Variants in FAT3 observed in about 807,000 individuals in gnomAD.
FAT3 encodes the protein FAT atypical cadherin 3.
FAT3 carries 95 observed loss-of-function variants against 310.2 expected under a neutral mutation model. That is an observed-to-expected ratio of 0.31 (90% CI 0.26 to 0.36). The LOEUF is 0.36. Among genes scored for constraint, FAT3 ranks in the 10% least tolerant of loss-of-function variants. The pLI is 1.00. For missense variants in FAT3, 5,408 were observed against 5,715.6 expected (o/e 0.95, Z 1.74); for synonymous variants, 2,314 against 2,192.9 (o/e 1.06, Z -1.54).
At chr11:92,356,427 G>A (rs771301990) in intron 2 of FAT3, among the ~76,000 whole-genome samples, 17 of 152,276 alleles carry the variant, frequency 1.1e-4, no homozygotes, top group Non-Finnish European at 2.5e-4. Flanking sequence ...AGCTGCTATA[G>A]CAAAATACCA....
chr11:92,288,010 T>C (rs1487899195), intron 1 of FAT3, among the ~76,000 whole-genome samples: 1 of 152,120 alleles, frequency 6.6e-6, no homozygotes, highest in African/African-American at 2.4e-5. Flanking sequence ...AAATGGAAGT[T>C]GTTGCTGGGC....
intron 4 of FAT3, among the ~76,000 whole-genome samples, chr11:92,758,157 CA>C (rs1271555971): frequency 6.6e-6 from 1 of 152,158 alleles, no homozygotes; most frequent in Non-Finnish European, 1.5e-5. Flanking sequence ...GAATATTTGT[CA>C]CTTAGAGCTG....
intron 6 of FAT3, 119 bp from the exon 7 acceptor site, chr11:92,773,922 G>A: frequency 1.0e-6 from 1 of 971,470 alleles, no homozygotes; most frequent in East Asian, 2.5e-5. Flanking sequence ...ACAAAATTGA[G>A]CCATAGGGAT....
intron 4 of FAT3, among the ~76,000 whole-genome samples, chr11:92,730,962 C>T (rs1182931146): frequency 6.6e-6 from 1 of 152,058 alleles, no homozygotes; most frequent in Non-Finnish European, 1.5e-5. Flanking sequence ...GATAGCTGAC[C>T]CTTCATTATG....
chr11:92,667,825 A>G (rs189546785), intron 3 of FAT3, among the ~76,000 whole-genome samples: 12 of 152,324 alleles, frequency 7.9e-5, no homozygotes, highest in Non-Finnish European at 1.6e-4. Context: ...TAGAAATGTC[A>G]TTGGCCTGAA....
chr11:92,555,983 G>A (rs1209329608), intron 3 of FAT3, among the ~76,000 whole-genome samples: 3 of 152,170 alleles, frequency 2.0e-5, no homozygotes, highest in African/African-American at 7.2e-5. Context: ...TTTAAAAATA[G>A]GACTGATAAT....
intron 2 of FAT3, among the ~76,000 whole-genome samples, chr11:92,376,994 T>G (rs1196710912): frequency 1.3e-5 from 2 of 152,208 alleles, no homozygotes; most frequent in African/African-American, 4.8e-5. Flanking sequence ...CAGTGTAAAT[T>G]CTCTTCAATA....
At position 92,737,643 on chromosome 11, in the gene FAT3, C is replaced by T. The variant is rs183971944; in HGVS notation, c.3670-24213C>T. ...GACATAGTCATTAGATAAGAATCAA[C>T]CTTGTTTAATTTTTACATAGAATTA... On this transcript the variant is annotated intron_variant, in intron 4 of 27. Transcript: ENST00000525166. 9.0e-4 allele frequency among the ~76,000 whole-genome samples: 137 copies of T among 151,856 alleles called. 1 individual carries two copies. In the Middle Eastern group the frequency reaches 0.017, roughly 19 times the overall value.
chr11:92,429,470 A>T (rs1437833228), intron 2 of FAT3, among the ~76,000 whole-genome samples: 1 of 152,100 alleles, frequency 6.6e-6, no homozygotes, highest in Non-Finnish European at 1.5e-5. Flanking sequence ...GTTTCTTCAT[A>T]GTGTTGATGG....
In FAT3 at chr11:92,653,339, G is replaced by A. The variant is rs577129091; in HGVS notation, c.3608-44045G>A. 1.3e-4 allele frequency among the ~76,000 whole-genome samples: 20 copies of A among 152,136 alleles called. 1 individual carries two copies. In the East Asian group the frequency reaches 3.5e-3, roughly 27 times the overall value. On this transcript the variant is annotated intron_variant, in intron 3 of 27. Coordinates refer to ENST00000525166, the MANE Select transcript of FAT3 (RefSeq NM_001367949.2). The stretch of plus-strand genomic sequence containing the variant: ...TGGAACCTACTTCTGTGTCCTGGTG[G>A]CACTTTCTGTCATGCCAGTGGCCCA...
chr11:92,476,238 C>G (rs139752760), intron 2 of FAT3, among the ~76,000 whole-genome samples: 67 of 152,222 alleles, frequency 4.4e-4, no homozygotes, highest in Admixed American at 1.5e-3. Context: ...GGCTAGATCA[C>G]CATCTTTTTG....
chr11:92,573,842 A>G (rs117754673), intron 3 of FAT3, among the ~76,000 whole-genome samples: 1,699 of 152,196 alleles, frequency 0.011, 35 homozygotes, highest in East Asian at 0.098. Flanking sequence ...AACTGTGAGA[A>G]AAAAAATGTA....
chr11:92,549,010 C>T (rs954324546), intron 3 of FAT3, among the ~76,000 whole-genome samples: 1 of 152,104 alleles, frequency 6.6e-6, no homozygotes, highest in Non-Finnish European at 1.5e-5. Context: ...AAGCAGAAAA[C>T]CTGGCTAATT....
intron 1 of FAT3, among the ~76,000 whole-genome samples, chr11:92,319,230 C>T (rs141861445): frequency 1.3e-3 from 197 of 152,218 alleles, no homozygotes; most frequent in African/African-American, 4.2e-3. Context: ...TCTTCCCCTA[C>T]GTTTGTGTGT....
chr11:92,778,667 C>G (rs1946657691), intron 7 of FAT3, among the ~76,000 whole-genome samples: 1 of 152,152 alleles, frequency 6.6e-6, no homozygotes, highest in Admixed American at 6.6e-5. Context: ...GGTATGTGAT[C>G]TAAAAATGGT....
chr11:92,536,427 T>A (rs1454850721), intron 3 of FAT3, among the ~76,000 whole-genome samples: 1 of 152,166 alleles, frequency 6.6e-6, no homozygotes, highest in African/African-American at 2.4e-5. Context: ...CCCAGCTTCT[T>A]GGCCATGTGA....
At chr11:92,281,436 T>A (rs1490889153) in intron 1 of FAT3, among the ~76,000 whole-genome samples, 1 of 152,174 alleles carries the variant, frequency 6.6e-6, no homozygotes, top group Non-Finnish European at 1.5e-5. Flanking sequence ...AGTTCAAGGA[T>A]CTGGCTACCT....
Position 92,894,441 on chromosome 11 carries a change from A to C in FAT3, c.*3328A>C, listed in dbSNP as rs973966084. 1.3e-5 allele frequency: 2 copies of C among 152,170 alleles called. No homozygotes were observed. Among genetic ancestry groups the C allele is most frequent in the African/African-American group, 4.8e-5 (2 of 41,422 alleles). The allele number at this position is 152,170 out of a possible 1,614,324, so 9.4% of individuals were successfully genotyped here. A position where few individuals can be genotyped will look rare whatever the true frequency, so the allele number is the denominator to read the frequency against. On this transcript the variant is annotated 3_prime_UTR_variant, in exon 28 of 28. Transcript: ENST00000525166. The stretch of plus-strand genomic sequence containing the variant: ...CCCTCCACCATGATGAACCATGTGG[A>C]AACTATTTAAATCAATTAATGTCTT...
intron 2 of FAT3, among the ~76,000 whole-genome samples, chr11:92,513,762 C>A (rs528898276): frequency 6.6e-6 from 1 of 152,186 alleles, no homozygotes; most frequent in South Asian, 2.1e-4. Flanking sequence ...AACAGATATG[C>A]CATCAAGGTA....
Sources: allele counts gnomAD v4.1 joint callset (sites outside exome capture counted in the v4.1 genomes callset), GRCh38; gene constraint gnomAD v4.1.1; transcripts MANE v1.5; gene names NCBI Gene and HGNC (gene_info 2026-07-23, HGNC 2026-07-21).